WDR88: variants seen among roughly 807,000 people sequenced by gnomAD.
The protein encoded by WDR88 is WD repeat domain 88.
Under a neutral mutation model 46.8 loss-of-function variants are expected in WDR88, and 40 were observed. The ratio of observed to expected loss-of-function variants is 0.86; its 90% CI spans 0.66 to 1.11. The LOEUF (loss-of-function observed/expected upper bound fraction) is 1.11. Among genes scored for constraint, WDR88 ranks in the 50% most tolerant of loss-of-function variants. The pLI is 0.00. For missense variants in WDR88, 562 were observed against 602.4 expected (o/e 0.93, Z 0.70); for synonymous variants, 235 against 240.7 (o/e 0.98, Z 0.22).
chr19:33,174,363 G>A (rs1974090480), intron 10 of WDR88: 2 of 1,438,238 alleles, frequency 1.4e-6, no homozygotes, highest in Non-Finnish European at 9.1e-7. Context: ...AAAGCCCAGG[G>A]GCTGGGAGAG....
intron 7 of WDR88, among the ~76,000 whole-genome samples, chr19:33,158,775 C>T (rs1334395292): frequency 6.6e-6 from 1 of 152,188 alleles, no homozygotes; most frequent in African/African-American, 2.4e-5. Flanking sequence ...TCTTGGCTCA[C>T]TGCAACCTCT....
chr19:33,162,867 G>T (rs562130368), intron 8 of WDR88, among the ~76,000 whole-genome samples: 2 of 133,298 alleles, frequency 1.5e-5, no homozygotes, highest in South Asian at 5.3e-4. Context: ...GGGGGACAGA[G>T]TAAGACCCTG....
At chr19:33,138,567 G>A (rs766325952) in intron 2 of WDR88, among the ~76,000 whole-genome samples, 2 of 151,574 alleles carry the variant, frequency 1.3e-5, no homozygotes, top group South Asian at 4.2e-4. Flanking sequence ...GGCTGGTCTC[G>A]AACTCCTGAC....
At chr19:33,153,282 C>A (rs1973671385) in intron 6 of WDR88, among the ~76,000 whole-genome samples, 1 of 146,638 alleles carries the variant, frequency 6.8e-6, no homozygotes, top group South Asian at 2.1e-4. Flanking sequence ...CCAAGCTAGT[C>A]CTGAACTTCT....
At chr19:33,152,746 C>T (rs60798601) in intron 6 of WDR88, among the ~76,000 whole-genome samples, 300 of 151,880 alleles carry the variant, frequency 2.0e-3, no homozygotes, top group African/African-American at 5.5e-3. Flanking sequence ...GGATTACAGG[C>T]GCCCACCACC....
At chr19:33,160,577 A>G in intron 8 of WDR88, 81 bp downstream of exon 8, 1 of 1,476,492 alleles carries the variant, frequency 6.8e-7, no homozygotes, top group Non-Finnish European at 9.4e-7. Flanking sequence ...TGCTGGGGAC[A>G]CAGCTGTGAG....
rs141294141 is a variant in WDR88 at position 33,137,402 on chromosome 19, G to A, written c.277-275G>A. On this transcript the variant is annotated intron_variant, in intron 1 of 10. Transcript: ENST00000355868. The stretch of plus-strand genomic sequence containing the variant: ...CGAGTAGCTGGGATTATAGGCATGC[G>A]CCACCATGCCCAGCCAAGTTTTGTA... Among the ~76,000 whole-genome samples the A allele has an allele frequency of 9.9e-3, 1,500 of 151,902 alleles. 27 individuals carry two copies. The highest frequency in any genetic ancestry group is 0.035 in the African/African-American group (1,434 of 41,404).
In WDR88 at chr19:33,137,770, T is replaced by C. The variant is rs543234357; in HGVS notation, c.370T>C (p.Cys124Arg). Residue 124 changes from cysteine to arginine, a missense_variant, in exon 2 of 11, where the codon TGC (cysteine) becomes CGC (arginine). Cys to Arg is a radical substitution (Grantham distance 180). Coordinates refer to ENST00000355868, the MANE Select transcript of WDR88 (RefSeq NM_173479.4). ...DTKLLSGSYD[C>R]TVKLWDPVDG... Reference sequence around the variant, plus strand: ...AAAGCTCCTCAGTGGCTCCTATGACTGCACTGTGAAGCTGTGGGTAGGTGG... The same window carrying C: ...AAAGCTCCTCAGTGGCTCCTATGACCGCACTGTGAAGCTGTGGGTAGGTGG... 1.3e-5 allele frequency: 21 copies of C among 1,613,440 alleles called. No homozygotes were observed. The South Asian group carries it at 1.9e-4, about 14-fold the overall frequency.
chr19:33,136,722 C>T (rs1159942742), intron 1 of WDR88, among the ~76,000 whole-genome samples: 1 of 150,786 alleles, frequency 6.6e-6, no homozygotes, highest in Non-Finnish European at 1.5e-5. Flanking sequence ...ACCACGATGG[C>T]TGGCTAATTT....
chr19:33,156,016 G>A (rs1366097754), intron 6 of WDR88, among the ~76,000 whole-genome samples: 1 of 152,242 alleles, frequency 6.6e-6, no homozygotes, highest in African/African-American at 2.4e-5. Flanking sequence ...GACCACTAGA[G>A]CCTAGGAGTT....
At chr19:33,170,037 C>G (rs927129916) in intron 9 of WDR88, among the ~76,000 whole-genome samples, 1 of 152,060 alleles carries the variant, frequency 6.6e-6, no homozygotes, top group East Asian at 1.9e-4. Context: ...ACCACCACGC[C>G]TGGCTAATTT....
intron 8 of WDR88, among the ~76,000 whole-genome samples, chr19:33,162,445 C>T (rs1973884552): frequency 6.6e-6 from 1 of 151,806 alleles, no homozygotes; most frequent in African/African-American, 2.4e-5. Flanking sequence ...GATCTCCTGA[C>T]CTCGTGATCT....
chr19:33,173,223 G>A lies in WDR88; in HGVS notation c.1242+783G>A, dbSNP rs1974070101. Among the ~76,000 whole-genome samples, 2 of 152,088 alleles carry A rather than the reference G, an allele frequency of 1.3e-5. 1 individual carries two copies. Among genetic ancestry groups the A allele is most frequent in the Admixed American group, 1.3e-4 (2 of 15,266 alleles). On this transcript the variant is annotated intron_variant, in intron 10 of 10. Transcript: ENST00000355868. The stretch of plus-strand genomic sequence containing the variant: ...GAGGGGTGGAGTGAGGGGGCTTGGA[G>A]GGGATGAGACCTGCAGGAGCACTGG...
chr19:33,158,445 GAAAA>G (rs573489432), intron 7 of WDR88, among the ~76,000 whole-genome samples: 4 of 148,282 alleles, frequency 2.7e-5, no homozygotes, highest in African/African-American at 9.9e-5. Context: ...AAAAAAGAAA[GAAAA>G]AAAAAAGAAT....
intron 7 of WDR88, among the ~76,000 whole-genome samples, chr19:33,158,657 ACGTGGTAAAATGT>A (rs1973807675): frequency 6.6e-6 from 1 of 152,112 alleles, no homozygotes; most frequent in Non-Finnish European, 1.5e-5. Flanking sequence ...TTCACCTCCC[ACGTGGTAAAATGT>A]CCTTTTTGTG....
chr19:33,156,917 C>T (rs1372859987), intron 7 of WDR88, among the ~76,000 whole-genome samples: 5 of 152,080 alleles, frequency 3.3e-5, no homozygotes, highest in Admixed American at 1.3e-4. Flanking sequence ...CAAAGATGGC[C>T]GGATGAGGTG....
chr19:33,166,410 CA>C (rs1973955611), intron 9 of WDR88, among the ~76,000 whole-genome samples: 1 of 151,000 alleles, frequency 6.6e-6, no homozygotes, highest in African/African-American at 2.4e-5. Flanking sequence ...GGCAACGTGG[CA>C]AAACCCTGTC....
At chr19:33,173,997 C>G (rs1004486279) in intron 10 of WDR88, among the ~76,000 whole-genome samples, 2 of 151,988 alleles carry the variant, frequency 1.3e-5, no homozygotes, top group Admixed American at 6.6e-5. Context: ...ACTACAGGCG[C>G]CCACCACTAC....
intron 1 of WDR88, among the ~76,000 whole-genome samples, chr19:33,137,339 C>T (rs909320275): frequency 2.0e-5 from 3 of 151,614 alleles, no homozygotes; most frequent in African/African-American, 4.9e-5. Context: ...CTGCAACCTC[C>T]GCCTCCTGTA....
Sources: allele counts gnomAD v4.1 joint callset (sites outside exome capture counted in the v4.1 genomes callset), GRCh38; gene constraint gnomAD v4.1.1; transcripts MANE v1.5; gene names NCBI Gene and HGNC (gene_info 2026-07-23, HGNC 2026-07-21).